Variants in NTN1 observed in about 807,000 individuals in gnomAD.
NTN1 encodes the protein netrin-1.
Under a neutral mutation model 54.2 loss-of-function variants are expected in NTN1, and 11 were observed. The observed-to-expected ratio is 0.20, with a 90% CI of 0.13 to 0.34. The LOEUF is 0.34. NTN1 is among the 10% of genes least tolerant of loss of function. The probability of loss-of-function intolerance (pLI) is 1.00; values close to 1 mark genes in which losing one functional copy is unlikely to be tolerated. For missense variants in NTN1, 740 were observed against 893.1 expected, an observed-to-expected ratio of 0.83 and a Z score of 2.18; for synonymous variants, 371 against 382.0, an observed-to-expected ratio of 0.97 and a Z score of 0.33.
At chr17:9,186,244 G>T (rs2092432590) in intron 5 of NTN1, among the ~76,000 whole-genome samples, 1 of 152,236 alleles carries the variant, frequency 6.6e-6, no homozygotes, top group African/African-American at 2.4e-5. Context: ...ATGTGAAGTT[G>T]GGAGAGGTGC....
At chr17:9,072,860 A>T (rs2092036761) in intron 2 of NTN1, among the ~76,000 whole-genome samples, 1 of 152,238 alleles carries the variant, frequency 6.6e-6, no homozygotes, top group South Asian at 2.1e-4. Flanking sequence ...GGGAACCAGC[A>T]AAGCAGCTGC....
At chr17:9,152,361 TC>T (rs2092330273) in intron 2 of NTN1, among the ~76,000 whole-genome samples, 1 of 152,074 alleles carries the variant, frequency 6.6e-6, no homozygotes, top group Non-Finnish European at 1.5e-5. Flanking sequence ...TCTGCCCAGT[TC>T]CCCGGAGAGG....
chr17:9,058,907 C>T (rs1044775807), intron 2 of NTN1, among the ~76,000 whole-genome samples: 1 of 152,064 alleles, frequency 6.6e-6, no homozygotes, highest in Non-Finnish European at 1.5e-5. Context: ...GTTAGACTAC[C>T]TGGGTTCAAA....
At chr17:9,072,129 G>A (rs1290319941) in intron 2 of NTN1, among the ~76,000 whole-genome samples, 1 of 152,170 alleles carries the variant, frequency 6.6e-6, no homozygotes, top group Non-Finnish European at 1.5e-5. Flanking sequence ...GAACCCCAAG[G>A]GGAGCACTTT....
chr17:9,036,037 A>G (rs1316469121), intron 2 of NTN1, among the ~76,000 whole-genome samples: 1 of 152,132 alleles, frequency 6.6e-6, no homozygotes, highest in Non-Finnish European at 1.5e-5. Context: ...AGAAAAAATT[A>G]TTTGTAGAGA....
intron 2 of NTN1, among the ~76,000 whole-genome samples, chr17:9,083,816 G>A (rs977456564): frequency 6.6e-6 from 1 of 152,202 alleles, no homozygotes; most frequent in Non-Finnish European, 1.5e-5. Context: ...ACAAACCCAT[G>A]TAATTCAAGC....
intron 5 of NTN1, among the ~76,000 whole-genome samples, chr17:9,220,400 C>T (rs1231790557): frequency 2.6e-5 from 4 of 152,230 alleles, no homozygotes; most frequent in Non-Finnish European, 5.9e-5. Context: ...AATTGTGTCT[C>T]CTTGTTCAAA....
chr17:9,092,509 C>G (rs529201654), intron 2 of NTN1, among the ~76,000 whole-genome samples: 43 of 151,898 alleles, frequency 2.8e-4, no homozygotes, highest in Middle Eastern at 6.8e-3. Context: ...AGGCTGGTCT[C>G]AAGCTCCTGG....
chr17:9,044,750 AT>A lies in NTN1; in HGVS notation c.1018+21360del, dbSNP rs2091935903. On this transcript the variant is annotated intron_variant, in intron 2 of 6. Coordinates refer to ENST00000173229, the MANE Select transcript of NTN1 (RefSeq NM_004822.3). ...TTTTGCCTGCTTGGGGCAAAAAAAA[AT>A]ATTCATGGAAGTCTTTAACATGTAA... Among the ~76,000 whole-genome samples the A allele has an allele frequency of 1.3e-5, 2 of 149,020 alleles. 1 individual carries two copies. The highest frequency in any genetic ancestry group is 4.3e-4 in the South Asian group (2 of 4,692).
intron 1 of NTN1, among the ~76,000 whole-genome samples, chr17:9,021,934 G>A (rs902573953): frequency 6.6e-6 from 1 of 152,146 alleles, no homozygotes; most frequent in Non-Finnish European, 1.5e-5. Flanking sequence ...GAGGGACCCC[G>A]GGCTGCGAGA....
intron 2 of NTN1, among the ~76,000 whole-genome samples, chr17:9,114,164 A>ATATATATATATATATATATATAT (rs1404097905): frequency 3.2e-4 from 26 of 80,474 alleles, no homozygotes; most frequent in South Asian, 7.9e-4. Context: ...AAAAAAAAAA[A>ATATATATATATATATATATATAT]AAATATATAT....
At chr17:9,158,552 G>T (rs954833419) in intron 2 of NTN1, among the ~76,000 whole-genome samples, 23 of 152,348 alleles carry the variant, frequency 1.5e-4, no homozygotes, top group African/African-American at 5.5e-4. Flanking sequence ...GTCTAGGCCA[G>T]CTGTTACTTC....
intron 2 of NTN1, among the ~76,000 whole-genome samples, chr17:9,139,941 C>T (rs2092292709): frequency 6.6e-6 from 1 of 152,018 alleles, no homozygotes; most frequent in Non-Finnish European, 1.5e-5. Context: ...ATCCATCCAT[C>T]TGTCCATCAT....
chr17:9,172,517 T>C (rs1037966353), intron 3 of NTN1, among the ~76,000 whole-genome samples: 2 of 151,734 alleles, frequency 1.3e-5, no homozygotes, highest in East Asian at 2.0e-4. Flanking sequence ...AAGCCACAGA[T>C]GAAGAGAAGA....
At chr17:9,173,614 C>T (rs1002258296) in intron 3 of NTN1, 2 of 152,340 alleles carry the variant, frequency 1.3e-5, no homozygotes, top group African/African-American at 4.8e-5. Context: ...GGATGGCGTC[C>T]ACCTATGCAG....
intron 5 of NTN1, among the ~76,000 whole-genome samples, chr17:9,199,821 C>T (rs1271988166): frequency 6.6e-6 from 1 of 152,224 alleles, no homozygotes; most frequent in African/African-American, 2.4e-5. Context: ...GATCACTCTG[C>T]TGACTTCAGG....
intron 2 of NTN1, among the ~76,000 whole-genome samples, chr17:9,092,692 C>T (rs2092115910): frequency 2.0e-5 from 3 of 151,994 alleles, no homozygotes; most frequent in Admixed American, 2.0e-4. Flanking sequence ...GTCCTGGGTT[C>T]AAGTGATTCT....
At chr17:9,091,019 T>C (rs2092108788) in intron 2 of NTN1, among the ~76,000 whole-genome samples, 1 of 152,168 alleles carries the variant, frequency 6.6e-6, no homozygotes, top group African/African-American at 2.4e-5. Context: ...AGGAGGGCAC[T>C]GGCTGCCAGG....
chr17:9,239,378 C>T lies in NTN1; in HGVS notation c.1487-262C>T, dbSNP rs1039272605. 6.6e-6 allele frequency among the ~76,000 whole-genome samples: 1 copy of T among 152,164 alleles called. No homozygotes were observed. Among genetic ancestry groups the T allele is most frequent in the Admixed American group, 6.5e-5 (1 of 15,284 alleles). Reference sequence around the variant, plus strand: ...CTGTAGGCTTCCTGGACAAAGTGGGCCTTGACAAGGCCAGGAGATGGCTTG... The same window carrying T: ...CTGTAGGCTTCCTGGACAAAGTGGGTCTTGACAAGGCCAGGAGATGGCTTG... On this transcript the variant is annotated intron_variant, in intron 6 of 6. Coordinates refer to ENST00000173229, the MANE Select transcript of NTN1 (RefSeq NM_004822.3). This position sits in a 1 kb window ranked among gnomAD's most constrained non-coding sequence, Gnocchi z 5.2.
Sources: allele counts gnomAD v4.1 joint callset (sites outside exome capture counted in the v4.1 genomes callset), GRCh38; gene constraint gnomAD v4.1.1; non-coding constraint Gnocchi (gnomAD v3.1); transcripts MANE v1.5; gene names NCBI Gene and HGNC (gene_info 2026-07-23, HGNC 2026-07-21).